The following PPP4C variants were observed in gnomAD, a reference collection of about 807,000 sequenced individuals.
PPP4C encodes the protein serine/threonine-protein phosphatase 4 catalytic subunit.
Under a neutral mutation model 40.5 loss-of-function variants are expected in PPP4C, and 10 were observed. The ratio of observed to expected loss-of-function variants is 0.25; its 90% CI spans 0.15 to 0.42. The LOEUF (loss-of-function observed/expected upper bound fraction) is 0.42. Among genes scored for constraint, PPP4C ranks in the 10% least tolerant of loss-of-function variants. The pLI is 1.00. For missense variants in PPP4C, 191 were observed against 416.4 expected (o/e 0.46, Z 4.71); for synonymous variants, 187 against 163.6 (o/e 1.14, Z -1.09).
chr16:30,076,101 G>T lies in PPP4C; in HGVS notation c.-64+7G>T. ...AACCGGAGTCGCAGCGGCGGTAATA[G>T]TGCGAGACTCCTCTAAGTCACCGTC... On this transcript the variant is annotated splice_region_variant and intron_variant, in intron 1 of 8. Transcript: ENST00000279387. 2.0e-6 allele frequency: 1 copy of T among 509,322 alleles called. No individual in the cohort carries two copies. The allele number at this position is 509,322 out of a possible 1,614,324, so 31.6% of individuals were successfully genotyped here. A position where few individuals can be genotyped will look rare whatever the true frequency, so the allele number is the denominator to read the frequency against.
chr16:30,083,516 C>T lies in PPP4C; in HGVS notation c.426C>T (p.Tyr142=). The T allele has an allele frequency of 6.2e-7, 1 of 1,614,128 alleles. No individual in the cohort carries two copies. The highest frequency in any genetic ancestry group is 8.5e-7 in the Non-Finnish European group (1 of 1,180,026). Residue 142 remains tyrosine (Y), a synonymous_variant, in exon 6 of 9, where the codon TAC becomes TAT. Coordinates refer to ENST00000279387, the MANE Select transcript of PPP4C (RefSeq NM_002720.3). This position sits in a 1 kb window ranked among gnomAD's most constrained non-coding sequence, Gnocchi z 6.3. ...ACGGCTCGGTGACTGTGTGGCGCTA[C>T]TGCACTGAGATCTTTGACTACCTCA... The part of the protein sequence containing the change: ...RKYGSVTVWR[Y]CTEIFDYLSL...
In PPP4C at chr16:30,085,153, G is replaced by GC; in HGVS notation, c.*91_*92insC. 5.3e-6 allele frequency: 8 copies of GC among 1,503,560 alleles called. No homozygotes were observed. Among genetic ancestry groups the GC allele is most frequent in the South Asian group, 3.7e-5 (3 of 81,760 alleles). The allele number at this position is 1,503,560 out of a possible 1,614,324, so 93.1% of individuals were successfully genotyped here. On this transcript the variant is annotated 3_prime_UTR_variant, in exon 9 of 9. Coordinates refer to ENST00000279387, the MANE Select transcript of PPP4C (RefSeq NM_002720.3). ...CTCAGACGGAGGCTGGGCGTGGGGG[G>GC]GGCTGTCCTGGCTCTGCTGTCCCCC...
In PPP4C at chr16:30,076,312, C is replaced by A; in HGVS notation, c.-63-3C>A. On this transcript the variant is annotated splice_region_variant and splice_polypyrimidine_tract_variant and intron_variant, in intron 1 of 8. Coordinates refer to ENST00000279387, the MANE Select transcript of PPP4C (RefSeq NM_002720.3). Reference sequence around the variant, plus strand: ...TCCGCGGGCTCGTCTTGGCCTTTCCCAGGAGACCCCTGTGCGGTGCGGAGG... The same window carrying A: ...TCCGCGGGCTCGTCTTGGCCTTTCCAAGGAGACCCCTGTGCGGTGCGGAGG... The A allele has an allele frequency of 6.5e-7, 1 of 1,532,482 alleles. No homozygotes were observed. Among genetic ancestry groups the A allele is most frequent in the East Asian group, 2.3e-5 (1 of 42,916 alleles). 94.9% of individuals were successfully genotyped at this position (1,532,482 alleles called of 1,614,324 possible).
intron 3 of PPP4C, 85 bp downstream of exon 3, chr16:30,081,395 C>T (rs2072503819): frequency 5.5e-6 from 6 of 1,097,344 alleles, no homozygotes; most frequent in Admixed American, 5.5e-5. Context: ...TCTATAAGCC[C>T]AACCCTAAGC....
rs141942939 is a variant in PPP4C, at chr16:30,077,646, C to T, written c.98+1171C>T. Among the ~76,000 whole-genome samples, 754 of 152,334 alleles carry T rather than the reference C, an allele frequency of 4.9e-3. 7 individuals carry two copies. The highest frequency in any genetic ancestry group is 0.017 in the African/African-American group (697 of 41,556). On this transcript the variant is annotated intron_variant, in intron 2 of 8. Transcript: ENST00000279387. ...CAGAAGAGCCCACAGAATTACCCTA[C>T]GTTTATTGAACAGTAAACATTGGCC...
chr16:30,083,610 G>A lies in PPP4C; in HGVS notation c.477+43G>A, dbSNP rs770891717. On this transcript the variant is annotated intron_variant, in intron 6 of 8. Transcript: ENST00000279387. The surrounding 1 kb of genome is among the most constrained non-coding windows in gnomAD (Gnocchi z 6.3). ...TCCATGGGACAGGGAGAGGAGGGGG[G>A]CTTCAGGCCTCAGCCCCGTCCTCTT... The A allele has an allele frequency of 2.5e-6, 4 of 1,613,656 alleles. No homozygotes were observed. The highest frequency in any genetic ancestry group is 1.3e-5 in the African/African-American group (1 of 74,918).
In PPP4C at chr16:30,083,330, G is replaced by T. The variant is rs543949434; in HGVS notation, c.304-64G>T. The T allele has an allele frequency of 2.7e-5, 42 of 1,547,884 alleles. No individual in the cohort carries two copies. The African/African-American group carries it at 5.4e-4, about 20-fold the overall frequency. Reference sequence around the variant, plus strand: ...GATGGCAGGCTGGCGGGCACGAGGAGGTCAGAGAGGGATGTGTGGAGAGAC... The same window carrying T: ...GATGGCAGGCTGGCGGGCACGAGGATGTCAGAGAGGGATGTGTGGAGAGAC... On this transcript the variant is annotated intron_variant, in intron 5 of 8. Coordinates refer to ENST00000279387, the MANE Select transcript of PPP4C (RefSeq NM_002720.3). This position sits in a 1 kb window ranked among gnomAD's most constrained non-coding sequence, Gnocchi z 6.3.
chr16:30,078,717 A>G (rs1328534504), intron 2 of PPP4C, among the ~76,000 whole-genome samples: 1 of 152,244 alleles, frequency 6.6e-6, no homozygotes, highest in Non-Finnish European at 1.5e-5. Context: ...GCTACTAGAA[A>G]TATTAGCACA....
rs1567335335 is a variant in PPP4C, at chr16:30,082,469, C to CT, written c.151-13dup. 2 of 1,612,958 alleles carry CT rather than the reference C, an allele frequency of 1.2e-6. No individual in the cohort carries two copies. Among genetic ancestry groups the CT allele is most frequent in the East Asian group, 4.5e-5 (2 of 44,882 alleles). On this transcript the variant is annotated splice_polypyrimidine_tract_variant and intron_variant, in intron 3 of 8. Transcript: ENST00000279387. Reference sequence around the variant, plus strand: ...CCACTGCTTGAGTTCCAACCCCACTCTTCCTGTTCCCCAGGTGTGCGGCGA... The same window carrying CT: ...CCACTGCTTGAGTTCCAACCCCACTCTTTCCTGTTCCCCAGGTGTGCGGCGA...
chr16:30,083,330 G>C lies in PPP4C; in HGVS notation c.304-64G>C. On this transcript the variant is annotated intron_variant, in intron 5 of 8. Transcript: ENST00000279387. The surrounding 1 kb of genome is among the most constrained non-coding windows in gnomAD (Gnocchi z 6.3). ...GATGGCAGGCTGGCGGGCACGAGGA[G>C]GTCAGAGAGGGATGTGTGGAGAGAC... is the stretch of plus-strand genomic sequence containing the variant. The C allele has an allele frequency of 3.2e-6, 5 of 1,547,884 alleles. No homozygotes were observed. Among genetic ancestry groups the C allele is most frequent in the Non-Finnish European group, 4.4e-6 (5 of 1,141,708 alleles).
chr16:30,080,985 A>G (rs978771037), intron 2 of PPP4C, among the ~76,000 whole-genome samples: 5 of 152,154 alleles, frequency 3.3e-5, no homozygotes, highest in African/African-American at 1.2e-4. Context: ...AGGGAGCGGC[A>G]GGGGGAGTCA....
intron 2 of PPP4C, among the ~76,000 whole-genome samples, chr16:30,079,663 A>G (rs2072467351): frequency 6.6e-6 from 1 of 152,182 alleles, no homozygotes; most frequent in East Asian, 1.9e-4. Flanking sequence ...TTCTGTTCCC[A>G]GAAAGCCAGG....
chr16:30,081,960 CAGG>C (rs961566140), intron 3 of PPP4C, among the ~76,000 whole-genome samples: 18 of 151,198 alleles, frequency 1.2e-4, no homozygotes, highest in African/African-American at 4.1e-4. Context: ...GAGGCTGAGG[CAGG>C]AGAATGACGT....
At chr16:30,082,987 G>C (rs533810978) in intron 5 of PPP4C, 140 bp downstream of exon 5, 9 of 748,380 alleles carry the variant, frequency 1.2e-5, no homozygotes, top group African/African-American at 8.8e-5. Context: ...TCTGCTTTTG[G>C]GGGTGGTCAG....
rs904067519 is a variant in PPP4C at position 30,083,270 on chromosome 16, G to C, written c.304-124G>C. The stretch of plus-strand genomic sequence containing the variant: ...GGCTGATGCCACACGATTCAGGCAA[G>C]AGGTGCCAGGAGTGTGCTGGGCAGT... On this transcript the variant is annotated intron_variant, in intron 5 of 8. Coordinates refer to ENST00000279387, the MANE Select transcript of PPP4C (RefSeq NM_002720.3). The surrounding 1 kb of genome is among the most constrained non-coding windows in gnomAD (Gnocchi z 6.3). The C allele has an allele frequency of 3.6e-6, 4 of 1,125,770 alleles. No individual in the cohort carries two copies. Among genetic ancestry groups the C allele is most frequent in the Non-Finnish European group, 5.1e-6 (4 of 781,436 alleles). 69.7% of individuals were successfully genotyped at this position (1,125,770 alleles called of 1,614,324 possible).
intron 3 of PPP4C, 70 bp downstream of exon 3, chr16:30,081,380 G>T: frequency 1.5e-6 from 2 of 1,355,360 alleles, no homozygotes; most frequent in South Asian, 1.2e-5. Context: ...CTTCATCTTG[G>T]GGGCTCTATA....
chr16:30,076,602 A>G, intron 2 of PPP4C, 127 bp downstream of exon 2: 1 of 912,570 alleles, frequency 1.1e-6, no homozygotes. Context: ...AGCAGGATGG[A>G]GCCGCTGCCC....
At chr16:30,084,288 GAC>G (rs1160862504) in intron 7 of PPP4C, among the ~76,000 whole-genome samples, 1 of 152,000 alleles carries the variant, frequency 6.6e-6, no homozygotes, top group Non-Finnish European at 1.5e-5. Context: ...CACACATACA[GAC>G]ACACACATGC....
chr16:30,083,870 C>T lies in PPP4C; in HGVS notation c.604+89C>T, dbSNP rs2072558974. On this transcript the variant is annotated intron_variant, in intron 7 of 8. Transcript: ENST00000279387. This position sits in a 1 kb window ranked among gnomAD's most constrained non-coding sequence, Gnocchi z 6.3. ...GGGCTGGTCTTCACTGTCACTCGTC[C>T]TCCACCTGCCAAATGGCTGGAACCC... 2 of 1,555,348 alleles carry T rather than the reference C, an allele frequency of 1.3e-6. No homozygotes were observed. Among genetic ancestry groups the T allele is most frequent in the African/African-American group, 1.4e-5 (1 of 74,070 alleles).
Sources: allele counts gnomAD v4.1 joint callset (sites outside exome capture counted in the v4.1 genomes callset), GRCh38; gene constraint gnomAD v4.1.1; non-coding constraint Gnocchi (gnomAD v3.1); transcripts MANE v1.5; gene names NCBI Gene and HGNC (gene_info 2026-07-23, HGNC 2026-07-21).